OPA3: variants seen among roughly 807,000 people sequenced by gnomAD.
OPA3 encodes outer mitochondrial membrane lipid metabolism regulator OPA3.
A neutral mutation model predicts 4.0 loss-of-function variants in OPA3; 6 were observed. The observed-to-expected ratio is 1.51, with a 90% CI of 0.83 to 2.99. The LOEUF (loss-of-function observed/expected upper bound fraction) is 2.99. Among genes scored for constraint, OPA3 ranks in the 30% most tolerant of loss-of-function variants. OPA3 has a pLI of 0.00. For missense variants in OPA3, 235 were observed against 256.2 expected, an observed-to-expected ratio of 0.92 and a Z score of 0.56; for synonymous variants, 105 against 117.1, an observed-to-expected ratio of 0.90 and a Z score of 0.67.
At chr19:45,546,210 T>C (rs1254596800), downstream of OPA3, 2 of 163,416 alleles carry the variant, frequency 1.2e-5, no homozygotes, top group Admixed American at 6.6e-5. Flanking sequence ...ATAGAATGCA[T>C]ATATATCTGT....
intron 1 of OPA3, among the ~76,000 whole-genome samples, chr19:45,582,931 T>C (rs1454779495): frequency 6.6e-6 from 1 of 152,220 alleles, no homozygotes; most frequent in South Asian, 2.1e-4. Flanking sequence ...CATGTTTGTT[T>C]AAACTATAAA....
At chr19:45,575,562 G>A (rs1055351950) in intron 1 of OPA3, among the ~76,000 whole-genome samples, 1 of 152,002 alleles carries the variant, frequency 6.6e-6, no homozygotes, top group Non-Finnish European at 1.5e-5. Context: ...GTTTCCCACG[G>A]CCACTATAAC....
downstream of OPA3, among the ~76,000 whole-genome samples, chr19:45,541,811 C>T (rs1969188776): frequency 6.6e-6 from 1 of 152,194 alleles, no homozygotes; most frequent in African/African-American, 2.4e-5. Context: ...GCGATCCTCC[C>T]ACCTTGGCCT....
intron 1 of OPA3, among the ~76,000 whole-genome samples, chr19:45,580,658 G>A (rs576596402): frequency 1.8e-4 from 26 of 148,218 alleles, no homozygotes; most frequent in South Asian, 8.6e-4. Context: ...TCGCTCTGTC[G>A]CCCAAGCTGG....
At chr19:45,574,579 G>A (rs1350726292) in intron 1 of OPA3, among the ~76,000 whole-genome samples, 1 of 152,120 alleles carries the variant, frequency 6.6e-6, no homozygotes, top group Admixed American at 6.6e-5. Context: ...GGAAATGGAG[G>A]CTCATAGAGG....
rs886054505 is a variant in OPA3 at position 45,547,053 on chromosome 19, G to A, written c.*6461C>T. 2.0e-5 allele frequency: 3 copies of A among 152,368 alleles called. No homozygotes were observed. Among genetic ancestry groups the A allele is most frequent in the African/African-American group, 7.2e-5 (3 of 41,548 alleles). The allele number at this position is 152,368 out of a possible 1,614,324, so 9.4% of individuals were successfully genotyped here. On this transcript the variant is annotated 3_prime_UTR_variant, in exon 2 of 2. Transcript: ENST00000263275. ...TGCGCGCAGTGGGGGTTACTGCTGAGCACTGGGGTCATTTCCTATGGGGAA... is the reference window on the plus strand; with the variant it reads ...TGCGCGCAGTGGGGGTTACTGCTGAACACTGGGGTCATTTCCTATGGGGAA...
At chr19:45,540,781 T>TGA (rs374607603) in intron 1 of OPA3, among the ~76,000 whole-genome samples, 1 of 148,856 alleles carries the variant, frequency 6.7e-6, no homozygotes, top group Non-Finnish European at 1.5e-5. Context: ...CCAGCCTGGG[T>TGA]GAGAGAGAGA....
rs1161943891 is a variant in OPA3 at position 45,549,317 on chromosome 19, T to C, written c.*4197A>G. On this transcript the variant is annotated 3_prime_UTR_variant, in exon 2 of 2. Transcript: ENST00000263275. ...ACTCTGGCCACCCCTGACGCCGCAG[T>C]GGGGGAAGTAGATGGCCCTGCTGCC... is the stretch of plus-strand genomic sequence containing the variant. The C allele has an allele frequency of 2.0e-5, 20 of 985,056 alleles. No homozygotes were observed. Among genetic ancestry groups the C allele is most frequent in the Non-Finnish European group, 2.4e-5 (20 of 829,926 alleles). The allele number at this position is 985,056 out of a possible 1,614,324, so 61.0% of individuals were successfully genotyped here. A position where few individuals can be genotyped will look rare whatever the true frequency, so the allele number is the denominator to read the frequency against.
intron 1 of OPA3, among the ~76,000 whole-genome samples, chr19:45,561,269 G>T (rs1348324843): frequency 6.6e-6 from 1 of 152,110 alleles, no homozygotes; most frequent in Non-Finnish European, 1.5e-5. Flanking sequence ...GGAGGTGGAG[G>T]TTACGGTGAG....
At chr19:45,569,049 T>C (rs1053414772) in intron 1 of OPA3, among the ~76,000 whole-genome samples, 2 of 152,156 alleles carry the variant, frequency 1.3e-5, no homozygotes, top group East Asian at 1.9e-4. Flanking sequence ...GACTGAAGCA[T>C]AGCCACACCC....
At chr19:45,537,970 T>A (rs1026704614) in intron 1 of OPA3, among the ~76,000 whole-genome samples, 4 of 151,858 alleles carry the variant, frequency 2.6e-5, no homozygotes, top group African/African-American at 9.7e-5. Flanking sequence ...GGTGTGTGCC[T>A]GTAGTCCCAG....
intron 1 of OPA3, among the ~76,000 whole-genome samples, chr19:45,554,375 C>T (rs1279220927): frequency 6.6e-6 from 1 of 152,160 alleles, no homozygotes; most frequent in African/African-American, 2.4e-5. Flanking sequence ...ATGCTAAGTG[C>T]CTCTGAACAC....
rs1969360466 is a variant in OPA3 at position 45,553,085 on chromosome 19, C to T, written c.*429G>A. The T allele has an allele frequency of 2.7e-6, 3 of 1,117,258 alleles. No individual in the cohort carries two copies. The African/African-American group carries it at 4.9e-5, about 18-fold the overall frequency. 69.2% of individuals were successfully genotyped at this position (1,117,258 alleles called of 1,614,324 possible). Reference sequence around the variant, plus strand: ...ACACACTGCATTTCCTTACAGTGGTCTGTGCCGATTGACAAAAAGAAGAAG... The same window carrying T: ...ACACACTGCATTTCCTTACAGTGGTTTGTGCCGATTGACAAAAAGAAGAAG... On this transcript the variant is annotated 3_prime_UTR_variant, in exon 2 of 2. Coordinates refer to ENST00000263275, the MANE Select transcript of OPA3 (RefSeq NM_025136.4).
At chr19:45,580,335 C>T (rs1600003495) in intron 1 of OPA3, among the ~76,000 whole-genome samples, 1 of 148,532 alleles carries the variant, frequency 6.7e-6, no homozygotes, top group South Asian at 2.1e-4. Context: ...CTCTTGTTGC[C>T]CAGGCTGGAG....
At chr19:45,556,928 G>A (rs1484876610) in intron 1 of OPA3, among the ~76,000 whole-genome samples, 1 of 152,198 alleles carries the variant, frequency 6.6e-6, no homozygotes, top group South Asian at 2.1e-4. Flanking sequence ...TGCTGCCTGA[G>A]CAATGACAGC....
Position 45,550,345 on chromosome 19 carries a change from G to A in OPA3, c.*3169C>T. 1.0e-6 allele frequency: 1 copy of A among 985,456 alleles called. No individual in the cohort carries two copies. Among genetic ancestry groups the A allele is most frequent in the Non-Finnish European group, 1.2e-6 (1 of 829,996 alleles). 61.0% of individuals were successfully genotyped at this position (985,456 alleles called of 1,614,324 possible). The stretch of plus-strand genomic sequence containing the variant: ...CTGCAGCTTCCCAAAAGCGGGCCCA[G>A]GTGGAATGGTCACCCAGTTTACACA... On this transcript the variant is annotated 3_prime_UTR_variant, in exon 2 of 2. Transcript: ENST00000263275.
At chr19:45,571,969 C>T (rs1301651471) in intron 1 of OPA3, among the ~76,000 whole-genome samples, 1 of 151,802 alleles carries the variant, frequency 6.6e-6, no homozygotes, top group Non-Finnish European at 1.5e-5. Flanking sequence ...ATATCCTTCT[C>T]TTTTATCCTC....
intron 1 of OPA3, among the ~76,000 whole-genome samples, chr19:45,579,991 TTTTTTTTTTC>T (rs1417798282): frequency 0.016 from 1,789 of 110,584 alleles, 22 homozygotes; most frequent in South Asian, 0.061. Context: ...TTTTCTTTCT[TTTTTTTTTTC>T]TTTTTTTTTT....
rs1325526792 is a variant in OPA3 at position 45,550,505 on chromosome 19, C to T, written c.*3009G>A. ...ACCCTCCCAGCCTCTGCTCAGCCAT[C>T]GCCTCTCCCTCCTCACTCTGCAGCT... On this transcript the variant is annotated 3_prime_UTR_variant, in exon 2 of 2. Transcript: ENST00000263275. 1.0e-6 allele frequency: 1 copy of T among 986,756 alleles called. No individual in the cohort carries two copies. The highest frequency in any genetic ancestry group is 1.2e-6 in the Non-Finnish European group (1 of 831,010). 61.1% of individuals were successfully genotyped at this position (986,756 alleles called of 1,614,324 possible).
Sources: gnomAD v4.1 joint callset for allele counts (sites outside exome capture counted in the v4.1 genomes callset) on GRCh38, gnomAD v4.1.1 for gene constraint, MANE v1.5 for transcripts, NCBI Gene and HGNC (gene_info 2026-07-23, HGNC 2026-07-21) for gene names.